The following ELAPOR1 variants were observed in gnomAD, a reference collection of about 807,000 sequenced individuals.
The protein encoded by ELAPOR1 is endosome/lysosome-associated apoptosis and autophagy regulator 1.
In ELAPOR1, 77 loss-of-function variants were observed where a neutral mutation model predicts 119.7. That is an observed-to-expected ratio of 0.64 (90% confidence interval 0.54 to 0.78). The LOEUF is 0.78. ELAPOR1 is among the 30% of genes least tolerant of loss of function. The probability of loss-of-function intolerance (pLI) is 0.00; values close to 1 mark genes in which losing one functional copy is unlikely to be tolerated. For missense variants in ELAPOR1, 1,115 were observed against 1,270.4 expected (o/e 0.88, Z 1.86); for synonymous variants, 481 against 487.2 (o/e 0.99, Z 0.17).
intron 7 of ELAPOR1, among the ~76,000 whole-genome samples, chr1:109,182,858 C>T (rs1217247091): frequency 9.9e-6 from 1 of 101,516 alleles, no homozygotes; most frequent in Admixed American, 1.2e-4. Flanking sequence ...CAGAGCAAGA[C>T]TCCATCTCAA....
At chr1:109,160,966 A>G (rs1237138301) in intron 1 of ELAPOR1, among the ~76,000 whole-genome samples, 1 of 152,208 alleles carries the variant, frequency 6.6e-6, no homozygotes, top group East Asian at 1.9e-4. Context: ...TAGCTCAGGT[A>G]AAACAATTAA....
intron 21 of ELAPOR1, 82 bp downstream of exon 21, chr1:109,200,982 C>T: frequency 7.2e-7 from 1 of 1,392,048 alleles, no homozygotes; most frequent in Non-Finnish European, 9.8e-7. Flanking sequence ...TGGTCCTGTA[C>T]CGTTCAGGGA....
At chr1:109,165,747 T>C in intron 3 of ELAPOR1, among the ~76,000 whole-genome samples, 1 of 97,874 alleles carries the variant, frequency 1.0e-5, no homozygotes, top group South Asian at 3.6e-4. Context: ...TTCTTCTTCT[T>C]CTTTTTTTTT....
intron 1 of ELAPOR1, among the ~76,000 whole-genome samples, chr1:109,130,632 C>A (rs1649101151): frequency 6.6e-6 from 1 of 152,008 alleles, no homozygotes; most frequent in Non-Finnish European, 1.5e-5. Flanking sequence ...CAAGTGCAAG[C>A]ACTGCACCCG....
At chr1:109,183,384 C>T (rs925797980) in intron 7 of ELAPOR1, among the ~76,000 whole-genome samples, 1 of 145,116 alleles carries the variant, frequency 6.9e-6, no homozygotes, top group Non-Finnish European at 1.5e-5. Flanking sequence ...AGAAAACAAA[C>T]CCTATGATGA....
chr1:109,202,453 T>A (rs1654235827), intron 21 of ELAPOR1, among the ~76,000 whole-genome samples: 1 of 148,200 alleles, frequency 6.7e-6, no homozygotes, highest in African/African-American at 2.5e-5. Flanking sequence ...AAATTTTTTT[T>A]TTTTTGAGAC....
rs937827028 is a variant in ELAPOR1, at chr1:109,205,360, C to T, written c.*2348C>T. The T allele has an allele frequency of 6.6e-6, 1 of 152,230 alleles. No individual in the cohort carries two copies. Among genetic ancestry groups the T allele is most frequent in the Non-Finnish European group, 1.5e-5 (1 of 68,038 alleles). The allele number at this position is 152,230 out of a possible 1,614,324, so 9.4% of individuals were successfully genotyped here. A position where few individuals can be genotyped will look rare whatever the true frequency, so the allele number is the denominator to read the frequency against. The stretch of plus-strand genomic sequence containing the variant: ...TGCTCATCTGATTAGCCACTGCTGC[C>T]CTGGCAATGGCTTTGTAAGAGTCAA... On this transcript the variant is annotated 3_prime_UTR_variant, in exon 22 of 22. Transcript: ENST00000369939.
chr1:109,145,975 A>G (rs1359634661), intron 1 of ELAPOR1, among the ~76,000 whole-genome samples: 1 of 152,190 alleles, frequency 6.6e-6, no homozygotes, highest in Non-Finnish European at 1.5e-5. Flanking sequence ...AACAAAGGCA[A>G]TATTCAAAGA....
intron 9 of ELAPOR1, 124 bp from the exon 10 acceptor site, chr1:109,188,942 G>A (rs1486982457): frequency 1.4e-5 from 15 of 1,069,866 alleles, no homozygotes; most frequent in Non-Finnish European, 1.9e-5. Context: ...TCCTGCAGCA[G>A]TACTCAGCAG....
chr1:109,187,223 C>T (rs1482094662), intron 8 of ELAPOR1: 3 of 985,344 alleles, frequency 3.0e-6, no homozygotes, highest in Non-Finnish European at 3.6e-6. Flanking sequence ...GCTCCAAGAG[C>T]TGGCCCGAGA....
At chr1:109,200,023 T>C (rs373207650) in intron 19 of ELAPOR1, 36 bp from the exon 20 acceptor site, 139 of 1,613,346 alleles carry the variant, frequency 8.6e-5, no homozygotes, top group Non-Finnish European at 1.1e-4. Flanking sequence ...GAGAAGGGAA[T>C]GGGAGATCTG....
At chr1:109,188,097 C>A (rs1248689333) in intron 8 of ELAPOR1, 80 bp from the exon 9 acceptor site, 4 of 1,516,022 alleles carry the variant, frequency 2.6e-6, no homozygotes, top group Non-Finnish European at 3.6e-6. Context: ...TCTCTGCCCC[C>A]AGCCCCTATC....
chr1:109,123,009 A>G (rs1417767180), intron 1 of ELAPOR1, among the ~76,000 whole-genome samples: 1 of 152,184 alleles, frequency 6.6e-6, no homozygotes, highest in Non-Finnish European at 1.5e-5. Context: ...ATTGTCTTAA[A>G]CAGGACCCCT....
At position 109,192,663 on chromosome 1, in the gene ELAPOR1, A is replaced by G. The variant is rs1215896589; in HGVS notation, c.1736A>G (p.Asn579Ser). 1.9e-6 allele frequency: 3 copies of G among 1,614,042 alleles called. No individual in the cohort carries two copies. Among genetic ancestry groups the G allele is most frequent in the Non-Finnish European group, 1.7e-6 (2 of 1,179,980 alleles). The stretch of plus-strand genomic sequence containing the variant: ...AAGATCTACTCCATCAATGTCACCA[A>G]TGTTATGAATGGTGTGGCCTCCTAC... ...VAKIYSINVT[N>S]VMNGVASYCR... The change falls in exon 14 of 22, where the codon AAT becomes AGT. Residue 579 changes from asparagine to serine, a missense_variant. Asn to Ser is a conservative substitution (Grantham distance 46). Coordinates refer to ENST00000369939, the MANE Select transcript of ELAPOR1 (RefSeq NM_020775.5).
At chr1:109,155,369 G>C (rs1481831051) in intron 1 of ELAPOR1, among the ~76,000 whole-genome samples, 1 of 151,928 alleles carries the variant, frequency 6.6e-6, no homozygotes, top group African/African-American at 2.4e-5. Flanking sequence ...TAATAGAGAC[G>C]GGGTTTCACC....
intron 15 of ELAPOR1, among the ~76,000 whole-genome samples, chr1:109,197,017 G>A (rs1318856001): frequency 6.6e-6 from 1 of 151,836 alleles, no homozygotes; most frequent in Non-Finnish European, 1.5e-5. Flanking sequence ...CATTGAAAAT[G>A]TTGACTGGGC....
chr1:109,137,185 A>C (rs911737355), intron 1 of ELAPOR1, among the ~76,000 whole-genome samples: 1 of 152,040 alleles, frequency 6.6e-6, no homozygotes, highest in African/African-American at 2.4e-5. Context: ...CAAGGTGATA[A>C]TTTTTTAAAA....
chr1:109,180,963 T>TA (rs1350478139), intron 7 of ELAPOR1, among the ~76,000 whole-genome samples: 9 of 151,580 alleles, frequency 5.9e-5, no homozygotes, highest in African/African-American at 2.2e-4. Context: ...GCCCTGTCTC[T>TA]AAAAAAAAGA....
At chr1:109,140,920 C>T (rs747505677) in intron 1 of ELAPOR1, among the ~76,000 whole-genome samples, 1 of 151,982 alleles carries the variant, frequency 6.6e-6, no homozygotes, top group Non-Finnish European at 1.5e-5. Context: ...GCCACGATCT[C>T]GGCTCACTGC....
Sources: gnomAD v4.1 joint callset for allele counts (sites outside exome capture counted in the v4.1 genomes callset) on GRCh38, gnomAD v4.1.1 for gene constraint, MANE v1.5 for transcripts, NCBI Gene and HGNC (gene_info 2026-07-23, HGNC 2026-07-21) for gene names.